The following NKAPL variants were observed in gnomAD, a reference collection of about 807,000 sequenced individuals.
NKAPL encodes the protein NFKB activating protein like.
Under a neutral mutation model 14.7 loss-of-function variants are expected in NKAPL, and 7 were observed. The observed-to-expected ratio is 0.48, with a 90% CI of 0.27 to 0.89. The LOEUF is 0.89. Among genes scored for constraint, NKAPL ranks in the 40% least tolerant of loss-of-function variants. The pLI is 0.12. For synonymous variants in NKAPL, 192 were observed against 179.9 expected, an observed-to-expected ratio of 1.07 and a Z score of -0.54; for missense variants, 466 against 494.1, an observed-to-expected ratio of 0.94 and a Z score of 0.54.
In NKAPL at chr6:28,259,490, G is replaced by A. The variant is rs1347460024; in HGVS notation, c.119G>A (p.Cys40Tyr). The A allele has an allele frequency of 2.5e-6, 4 of 1,614,208 alleles. No homozygotes were observed. The highest frequency in any genetic ancestry group is 1.1e-5 in the South Asian group (1 of 91,086). The change falls in exon 1 of 1, where the codon TGT becomes TAT. Residue 40 changes from cysteine (C) to tyrosine (Y), a missense_variant. Physicochemically the swap from Cys to Tyr is radical, Grantham distance 194 (BLOSUM62 -2). Transcript: ENST00000343684. ...AGCAGATGTTCCTCTTGGGATGGCT[G>A]TTCCCGCTCTCACTCCCGCGGCCGT... ...PQSRCSSWDG[C>Y]SRSHSRGREG...
rs1761309973 is a variant in NKAPL at position 28,260,089 on chromosome 6, A to G, written c.718A>G (p.Lys240Glu). The G allele has an allele frequency of 6.3e-7, 1 of 1,579,486 alleles. No homozygotes were observed. The highest frequency in any genetic ancestry group is 1.4e-5 in the African/African-American group (1 of 72,572). Residue 240 changes from lysine (K) to glutamate (E), a missense_variant, in exon 1 of 1, where the codon AAG becomes GAG. Coordinates refer to ENST00000343684, the MANE Select transcript of NKAPL (RefSeq NM_001007531.3). ...KKKKHKTKKK[K>E]NKKTKKESSD... Reference sequence around the variant, plus strand: ...AAAGAAACACAAAACAAAGAAAAAGAAGAATAAGAAAACCAAAAAAGAATC... The same window carrying G: ...AAAGAAACACAAAACAAAGAAAAAGGAGAATAAGAAAACCAAAAAAGAATC...
At position 28,259,941 on chromosome 6, in the gene NKAPL, G is replaced by A. The variant is rs772655308; in HGVS notation, c.570G>A (p.Lys190=). ...GTTCAAGAAACAAGAAAAAAAGAAA[G>A]AATAAGTCGTCTAAAAGAAAGCATA... ...TSRSRNKKKR[K]NKSSKRKHRK... is the part of the protein sequence containing the mutation. Residue 190 remains lysine (K), a synonymous_variant, in exon 1 of 1, where the codon AAG becomes AAA. Transcript: ENST00000343684. The A allele has an allele frequency of 2.3e-5, 37 of 1,609,356 alleles. No individual in the cohort carries two copies. In the South Asian group the frequency reaches 3.8e-4, roughly 16 times the overall value.
Position 28,260,366 on chromosome 6 carries a change from G to C in NKAPL, c.995G>C (p.Gly332Ala). 6.2e-7 allele frequency: 1 copy of C among 1,614,180 alleles called. No individual in the cohort carries two copies. Among genetic ancestry groups the C allele is most frequent in the Non-Finnish European group, 8.5e-7 (1 of 1,180,022 alleles). The change falls in exon 1 of 1, where the codon GGT becomes GCT. Residue 332 changes from glycine to alanine, a missense_variant. Physicochemically the swap from Gly to Ala is moderately conservative, Grantham distance 60. Transcript: ENST00000343684. ...GEIGLTSEEI[G>A]SFECSGYVMS... ...ATTGGGTTGACAAGTGAAGAGATCG[G>C]TTCTTTTGAATGCTCAGGTTATGTC...
rs374341518 is a variant in NKAPL, at chr6:28,259,661, A to G, written c.290A>G (p.His97Arg). The G allele has an allele frequency of 1.9e-5, 31 of 1,614,102 alleles. No homozygotes were observed. In the African/African-American group the frequency reaches 3.7e-4, roughly 19 times the overall value. ...ACCTCGTATAGTGGATATCGCTACC[A>G]TCGTCACTGCTATGCAGAAGAACGG... Reference protein sequence around the residue: ...WSTSYSGYRYHRHCYAEERQS... With the variant: ...WSTSYSGYRYRRHCYAEERQS... The change falls in exon 1 of 1, where the codon CAT becomes CGT. Residue 97 changes from histidine (H) to arginine (R), a missense_variant. Coordinates refer to ENST00000343684, the MANE Select transcript of NKAPL (RefSeq NM_001007531.3).
Position 28,260,069 on chromosome 6 carries a change from AAC to A in NKAPL, c.702_703del (p.His234GlnfsTer8). ...GCCAAGAAGAAAAAGAAGAAAAAGA[AAC>A]ACAAAACAAAGAAAAAGAAGAATAA... On this transcript the variant is annotated frameshift_variant, in exon 1 of 1. Coordinates refer to ENST00000343684, the MANE Select transcript of NKAPL (RefSeq NM_001007531.3). LOFTEE classifies it high-confidence loss of function. 1.9e-6 allele frequency: 3 copies of A among 1,578,680 alleles called. No homozygotes were observed. The highest frequency in any genetic ancestry group is 2.6e-6 in the Non-Finnish European group (3 of 1,170,630).
At position 28,260,405 on chromosome 6, in the gene NKAPL, G is replaced by A. The variant is rs1485243602; in HGVS notation, c.1034G>A (p.Arg345Lys). 6.2e-7 allele frequency: 1 copy of A among 1,614,074 alleles called. No individual in the cohort carries two copies. Among genetic ancestry groups the A allele is most frequent in the African/African-American group, 1.3e-5 (1 of 74,928 alleles). Residue 345 changes from arginine to lysine, a missense_variant, in exon 1 of 1, where the codon AGG becomes AAG. Coordinates refer to ENST00000343684, the MANE Select transcript of NKAPL (RefSeq NM_001007531.3). ...TCAGGTTATGTCATGAGTGGTAGCA[G>A]GCATCGCAGAATGGAGGCTGTACGA... ...ECSGYVMSGS[R>K]HRRMEAVRLR...
In NKAPL at chr6:28,260,493, A is replaced by T. The variant is rs1761322989; in HGVS notation, c.1122A>T (p.Gln374His). ...AGAGAGCTCTTGCATCCTTTAACCA[A>T]GAAGAGAGACGAAAGAGAGAAAGTA... Reference protein sequence around the residue: ...DEKRALASFNQEERRKRESKI... With the variant: ...DEKRALASFNHEERRKRESKI... Residue 374 changes from glutamine (Q) to histidine (H), a missense_variant, in exon 1 of 1, where the codon CAA becomes CAT. Coordinates refer to ENST00000343684, the MANE Select transcript of NKAPL (RefSeq NM_001007531.3). 6.2e-7 allele frequency: 1 copy of T among 1,614,176 alleles called. No homozygotes were observed. The highest frequency in any genetic ancestry group is 8.5e-7 in the Non-Finnish European group (1 of 1,180,030).
chr6:28,259,883 A>G lies in NKAPL; in HGVS notation c.512A>G (p.Asn171Ser), dbSNP rs1761302592. The change falls in exon 1 of 1, where the codon AAC (asparagine) becomes AGC (serine). Residue 171 changes from asparagine to serine, a missense_variant. Physicochemically the swap from Asn to Ser is conservative, Grantham distance 46 (BLOSUM62 1). Transcript: ENST00000343684. ...CAGAAAAGCAGCAGTTCAGATTCCA[A>G]CTCGGAAGAACATAGGAAAAAGAAG... is the stretch of plus-strand genomic sequence containing the variant. Reference protein sequence around the residue: ...THQKSSSSDSNSEEHRKKKTS... With the variant: ...THQKSSSSDSSSEEHRKKKTS... 1.2e-6 allele frequency: 2 copies of G among 1,613,918 alleles called. No individual in the cohort carries two copies.
At position 28,260,517 on chromosome 6, in the gene NKAPL, T is replaced by C; in HGVS notation, c.1146T>C (p.Ser382=). 1 of 1,614,006 alleles carries C rather than the reference T, an allele frequency of 6.2e-7. No homozygotes were observed. Among genetic ancestry groups the C allele is most frequent in the African/African-American group, 1.3e-5 (1 of 74,988 alleles). Reference sequence around the variant, plus strand: ...AAGAAGAGAGACGAAAGAGAGAAAGTAAGATTTTAGCCAGTTTCCGAGAGA... The same window carrying C: ...AAGAAGAGAGACGAAAGAGAGAAAGCAAGATTTTAGCCAGTTTCCGAGAGA... ...FNQEERRKRE[S]KILASFREMV... Residue 382 remains serine, a synonymous_variant, in exon 1 of 1, where the codon AGT becomes AGC. Transcript: ENST00000343684.
rs768010105 is a variant in NKAPL at position 28,260,410 on chromosome 6, C to A, written c.1039C>A (p.Arg347Ser). The A allele has an allele frequency of 1.2e-6, 2 of 1,614,122 alleles. No individual in the cohort carries two copies. The highest frequency in any genetic ancestry group is 1.7e-6 in the Non-Finnish European group (2 of 1,180,032). The part of the protein sequence containing the change: ...SGYVMSGSRH[R>S]RMEAVRLRKE... ...TTATGTCATGAGTGGTAGCAGGCAT[C>A]GCAGAATGGAGGCTGTACGACTGCG... Residue 347 changes from arginine to serine, a missense_variant, in exon 1 of 1, where the codon CGC becomes AGC. Transcript: ENST00000343684.
Position 28,259,878 on chromosome 6 carries a change from T to C in NKAPL, c.507T>C (p.Asp169=). 1 of 1,613,938 alleles carries C rather than the reference T, an allele frequency of 6.2e-7. No individual in the cohort carries two copies. The highest frequency in any genetic ancestry group is 8.5e-7 in the Non-Finnish European group (1 of 1,180,028). ...EVTHQKSSSS[D]SNSEEHRKKK... is the part of the protein sequence containing the mutation. ...CGCATCAGAAAAGCAGCAGTTCAGA[T>C]TCCAACTCGGAAGAACATAGGAAAA... Residue 169 remains aspartate, a synonymous_variant, in exon 1 of 1, where the codon GAT becomes GAC. Coordinates refer to ENST00000343684, the MANE Select transcript of NKAPL (RefSeq NM_001007531.3).
Position 28,259,506 on chromosome 6 carries a change from C to T in NKAPL, c.135C>T (p.Ser45=). 6.2e-7 allele frequency: 1 copy of T among 1,614,220 alleles called. No homozygotes were observed. Among genetic ancestry groups the T allele is most frequent in the South Asian group, 1.1e-5 (1 of 91,090 alleles). Residue 45 remains serine, a synonymous_variant, in exon 1 of 1, where the codon TCC becomes TCT. Transcript: ENST00000343684. ...GGGATGGCTGTTCCCGCTCTCACTCCCGCGGCCGTGAGGGCCTCAGGCCTC... is the reference window on the plus strand; with the variant it reads ...GGGATGGCTGTTCCCGCTCTCACTCTCGCGGCCGTGAGGGCCTCAGGCCTC... The part of the protein sequence containing the change: ...SSWDGCSRSH[S]RGREGLRPPW...
In NKAPL at chr6:28,260,073, CAAAACA is replaced by C; in HGVS notation, c.705_710del (p.Thr236_Lys237del). On this transcript the variant is annotated inframe_deletion, in exon 1 of 1. Transcript: ENST00000343684. ...AGAAGAAAAAGAAGAAAAAGAAACACAAAACAAAGAAAAAGAAGAATAAGAAAACCA... is the reference window on the plus strand; with the variant it reads ...AGAAGAAAAAGAAGAAAAAGAAACACAAGAAAAAGAAGAATAAGAAAACCA... 6.3e-7 allele frequency: 1 copy of C among 1,579,038 alleles called. No homozygotes were observed.
At position 28,259,640 on chromosome 6, in the gene NKAPL, C is replaced by G. The variant is rs1432460423; in HGVS notation, c.269C>G (p.Ser90Trp). 3 of 1,614,110 alleles carry G rather than the reference C, an allele frequency of 1.9e-6. No individual in the cohort carries two copies. Among genetic ancestry groups the G allele is most frequent in the Non-Finnish European group, 2.5e-6 (3 of 1,180,048 alleles). The change falls in exon 1 of 1, where the codon TCG (serine) becomes TGG (tryptophan). Residue 90 changes from serine (S) to tryptophan (W), a missense_variant. By Grantham distance (177) the Ser-to-Trp change is radical. Transcript: ENST00000343684. ...GCCTTCGCGTCCTCCTGGTCGACCT[C>G]GTATAGTGGATATCGCTACCATCGT... is the stretch of plus-strand genomic sequence containing the variant. The part of the protein sequence containing the change: ...NYAFASSWST[S>W]YSGYRYHRHC...
At position 28,259,623 on chromosome 6, in the gene NKAPL, G is replaced by A; in HGVS notation, c.252G>A (p.Ala84=). 6.2e-7 allele frequency: 1 copy of A among 1,614,224 alleles called. No homozygotes were observed. Among genetic ancestry groups the A allele is most frequent in the Middle Eastern group, 1.6e-4 (1 of 6,062 alleles). ...CAAGATTCCGCAACTACGCCTTCGC[G>A]TCCTCCTGGTCGACCTCGTATAGTG... ...RLPRFRNYAF[A]SSWSTSYSGY... The change falls in exon 1 of 1, where the codon GCG becomes GCA. Residue 84 remains alanine (A), a synonymous_variant. Transcript: ENST00000343684.
Position 28,260,847 on chromosome 6 carries a change from C to T in NKAPL, c.*267C>T. ...ACTTTAGCCCCTGACACCTTTCCCCCAAAAATATATATTTTGGTGTCTTAT... is the reference window on the plus strand; with the variant it reads ...ACTTTAGCCCCTGACACCTTTCCCCTAAAAATATATATTTTGGTGTCTTAT... On this transcript the variant is annotated 3_prime_UTR_variant, in exon 1 of 1. Coordinates refer to ENST00000343684, the MANE Select transcript of NKAPL (RefSeq NM_001007531.3). The T allele has an allele frequency of 2.8e-6, 1 of 357,426 alleles. No individual in the cohort carries two copies. Among genetic ancestry groups the T allele is most frequent in the East Asian group, 5.5e-5 (1 of 18,074 alleles). 22.1% of individuals were successfully genotyped at this position (357,426 alleles called of 1,614,324 possible). A position where few individuals can be genotyped will look rare whatever the true frequency, so the allele number is the denominator to read the frequency against.
rs761773874 is a variant in NKAPL at position 28,259,891 on chromosome 6, G to A, written c.520G>A (p.Glu174Lys). ...CAGCAGTTCAGATTCCAACTCGGAAGAACATAGGAAAAAGAAGACCAGTCG... is the reference window on the plus strand; with the variant it reads ...CAGCAGTTCAGATTCCAACTCGGAAAAACATAGGAAAAAGAAGACCAGTCG... ...KSSSSDSNSE[E>K]HRKKKTSRSR... Residue 174 changes from glutamate (E) to lysine (K), a missense_variant, in exon 1 of 1, where the codon GAA (glutamate) becomes AAA (lysine). Coordinates refer to ENST00000343684, the MANE Select transcript of NKAPL (RefSeq NM_001007531.3). 6.2e-7 allele frequency: 1 copy of A among 1,613,556 alleles called. No individual in the cohort carries two copies. The highest frequency in any genetic ancestry group is 8.5e-7 in the Non-Finnish European group (1 of 1,179,948).
chr6:28,259,423 A>G lies in NKAPL; in HGVS notation c.52A>G (p.Arg18Gly). The change falls in exon 1 of 1, where the codon AGA (arginine) becomes GGA (glycine). Residue 18 changes from arginine (R) to glycine (G), a missense_variant. Physicochemically the swap from Arg to Gly is moderately radical, Grantham distance 125. Coordinates refer to ENST00000343684, the MANE Select transcript of NKAPL (RefSeq NM_001007531.3). ...TTCCGAGGACATCGTGGGCTCTCGG[A>G]GAAGGCGACGCAGCTCCTCGGGGAG... is the stretch of plus-strand genomic sequence containing the variant. The part of the protein sequence containing the change: ...SYSEDIVGSR[R>G]RRRSSSGSPP... The G allele has an allele frequency of 1.2e-6, 2 of 1,609,514 alleles. No homozygotes were observed. Among genetic ancestry groups the G allele is most frequent in the Non-Finnish European group, 8.5e-7 (1 of 1,176,904 alleles).
chr6:28,259,356 C>T lies in NKAPL; in HGVS notation c.-16C>T. On this transcript the variant is annotated 5_prime_UTR_variant, in exon 1 of 1. Coordinates refer to ENST00000343684, the MANE Select transcript of NKAPL (RefSeq NM_001007531.3). Reference sequence around the variant, plus strand: ...CTCTGGGTCTGTAGCAACCGCCCAGCGTTGAGGCGCGGCTCATGCCCCCAG... The same window carrying T: ...CTCTGGGTCTGTAGCAACCGCCCAGTGTTGAGGCGCGGCTCATGCCCCCAG... 6.5e-7 allele frequency: 1 copy of T among 1,548,156 alleles called. No homozygotes were observed.
Sources: allele counts gnomAD v4.1 joint callset, GRCh38; gene constraint gnomAD v4.1.1; transcripts MANE v1.5; gene names NCBI Gene and HGNC (gene_info 2026-07-23, HGNC 2026-07-21).